ZCCHC7: variants seen among roughly 807,000 people sequenced by gnomAD.
The protein encoded by ZCCHC7 is zinc finger CCHC domain-containing protein 7.
Under a neutral mutation model 52.0 loss-of-function variants are expected in ZCCHC7, and 35 were observed. The observed-to-expected ratio is 0.67, with a 90% CI of 0.51 to 0.89. The LOEUF is 0.89. Ranked by LOEUF, ZCCHC7 falls within the 40% of genes least tolerant of loss-of-function variation. The pLI is 0.00. For missense variants in ZCCHC7, 574 were observed against 649.1 expected (o/e 0.88, Z 1.26); for synonymous variants, 217 against 221.5 (o/e 0.98, Z 0.18).
intron 1 of ZCCHC7, 93 bp downstream of exon 1, chr9:37,120,716 C>T: frequency 2.7e-6 from 1 of 364,648 alleles, no homozygotes; most frequent in Admixed American, 4.6e-5. Context: ...CTAGCGCGTG[C>T]CCCCTCGCCG....
chr9:37,296,927 G>GTGTGTT (rs1447474520), intron 2 of ZCCHC7, among the ~76,000 whole-genome samples: 1 of 145,180 alleles, frequency 6.9e-6, no homozygotes, highest in Non-Finnish European at 1.5e-5. Flanking sequence ...GTGTGTGTGT[G>GTGTGTT]TTTCGTAGAG....
chr9:37,244,591 A>G (rs1311978715), intron 2 of ZCCHC7, among the ~76,000 whole-genome samples: 1 of 151,948 alleles, frequency 6.6e-6, no homozygotes, highest in Non-Finnish European at 1.5e-5. Context: ...GAGGGTGAAT[A>G]ATAATGAATT....
At chr9:37,137,340 A>T (rs981048896) in intron 2 of ZCCHC7, among the ~76,000 whole-genome samples, 28 of 152,194 alleles carry the variant, frequency 1.8e-4, no homozygotes, top group Admixed American at 5.9e-4. Flanking sequence ...AGTTTCGAAA[A>T]ATGGGTAGGA....
At chr9:37,184,612 T>G (rs1822550817) in intron 2 of ZCCHC7, among the ~76,000 whole-genome samples, 1 of 152,142 alleles carries the variant, frequency 6.6e-6, no homozygotes, top group African/African-American at 2.4e-5. Flanking sequence ...ATTTCCAGCT[T>G]TATTTATTGA....
intron 2 of ZCCHC7, among the ~76,000 whole-genome samples, chr9:37,178,416 A>G (rs1415373941): frequency 6.6e-6 from 1 of 151,464 alleles, no homozygotes; most frequent in African/African-American, 2.4e-5. Context: ...CACCAAAAAA[A>G]AAAAAAAAGG....
At chr9:37,279,550 A>G (rs1421809315) in intron 2 of ZCCHC7, among the ~76,000 whole-genome samples, 4 of 152,116 alleles carry the variant, frequency 2.6e-5, no homozygotes, top group Non-Finnish European at 5.9e-5. Flanking sequence ...GAAAGATCTA[A>G]ATGTGGACAT....
chr9:37,316,373 T>C (rs1829823122), intron 5 of ZCCHC7, among the ~76,000 whole-genome samples: 1 of 150,600 alleles, frequency 6.6e-6, no homozygotes, highest in Admixed American at 6.7e-5. Flanking sequence ...AATCTTATTC[T>C]TATAAGAATC....
At chr9:37,120,346 C>G (rs998737913), upstream of ZCCHC7, among the ~76,000 whole-genome samples, 4 of 152,180 alleles carry the variant, frequency 2.6e-5, no homozygotes, top group African/African-American at 9.7e-5. Flanking sequence ...TAGGTAGCTT[C>G]AAGAGAAGTT....
chr9:37,236,779 A>G (rs969741807), intron 2 of ZCCHC7, among the ~76,000 whole-genome samples: 1 of 152,166 alleles, frequency 6.6e-6, no homozygotes, highest in African/African-American at 2.4e-5. Context: ...CAGGCTGCTC[A>G]ATTTTTCTGC....
chr9:37,144,668 T>TCCAGTTATATA (rs1382645146), intron 2 of ZCCHC7, among the ~76,000 whole-genome samples: 7 of 152,018 alleles, frequency 4.6e-5, no homozygotes, highest in South Asian at 2.1e-4. Context: ...TTCTCACCTT[T>TCCAGTTATATA]CCAGTTATAT....
chr9:37,251,964 T>G (rs1826350368), intron 2 of ZCCHC7, among the ~76,000 whole-genome samples: 1 of 152,210 alleles, frequency 6.6e-6, no homozygotes, highest in Admixed American at 6.5e-5. Flanking sequence ...TTTCTTCCCT[T>G]TGTTCTTTCC....
chr9:37,292,147 T>C (rs1428728164), intron 2 of ZCCHC7, among the ~76,000 whole-genome samples: 2 of 152,268 alleles, frequency 1.3e-5, no homozygotes, highest in East Asian at 3.8e-4. Context: ...AATATGCGTT[T>C]GCTGTCTTTA....
At chr9:37,197,259 A>G (rs1823338187) in intron 2 of ZCCHC7, among the ~76,000 whole-genome samples, 1 of 152,076 alleles carries the variant, frequency 6.6e-6, no homozygotes, top group South Asian at 2.1e-4. Flanking sequence ...GTGGTTGCCT[A>G]ATCCTCATGA....
intron 2 of ZCCHC7, among the ~76,000 whole-genome samples, chr9:37,237,289 A>G (rs1205810276): frequency 6.6e-6 from 1 of 152,200 alleles, no homozygotes; most frequent in Non-Finnish European, 1.5e-5. Flanking sequence ...TAACTCTCTG[A>G]GAAATGTGTT....
intron 6 of ZCCHC7, among the ~76,000 whole-genome samples, chr9:37,344,320 T>A (rs934781642): frequency 2.0e-5 from 3 of 152,206 alleles, no homozygotes; most frequent in African/African-American, 7.2e-5. Context: ...ATTGATCACC[T>A]ACCATTAGCT....
chr9:37,227,909 C>T (rs1403252522), intron 2 of ZCCHC7, among the ~76,000 whole-genome samples: 1 of 152,080 alleles, frequency 6.6e-6, no homozygotes, highest in African/African-American at 2.4e-5. Flanking sequence ...GATTCTTGTG[C>T]CTCAGCCTCC....
intron 2 of ZCCHC7, among the ~76,000 whole-genome samples, chr9:37,216,696 T>TA (rs1824524497): frequency 6.6e-6 from 1 of 152,004 alleles, no homozygotes; most frequent in Non-Finnish European, 1.5e-5. Flanking sequence ...AATAAATAAA[T>TA]AAAAAGTGTA....
At chr9:37,147,677 G>A (rs1328623457) in intron 2 of ZCCHC7, among the ~76,000 whole-genome samples, 2 of 151,874 alleles carry the variant, frequency 1.3e-5, no homozygotes, top group Admixed American at 6.6e-5. Flanking sequence ...ATCATATTAG[G>A]AATAAAAGTA....
At chr9:37,333,816 T>A (rs1457160742) in intron 6 of ZCCHC7, 1 of 151,828 alleles carries the variant, frequency 6.6e-6, no homozygotes, top group Non-Finnish European at 1.5e-5. Flanking sequence ...ACAGTATTCA[T>A]ATAATCTCAA....
Sources: gnomAD v4.1 joint callset for allele counts (sites outside exome capture counted in the v4.1 genomes callset) on GRCh38, gnomAD v4.1.1 for gene constraint, MANE v1.5 for transcripts, NCBI Gene and HGNC (gene_info 2026-07-23, HGNC 2026-07-21) for gene names.